The following CAMKMT variants were observed in gnomAD, a reference collection of about 807,000 sequenced individuals.
CAMKMT encodes calmodulin-lysine N-methyltransferase, also known as CaM KMT.
Under a neutral mutation model 48.0 loss-of-function variants are expected in CAMKMT, and 53 were observed. That is an observed-to-expected ratio of 1.10 (90% confidence interval 0.89 to 1.39). The LOEUF is 1.39. Ranked by LOEUF, CAMKMT falls within the 40% of genes most tolerant of loss-of-function variation. The pLI, the probability that CAMKMT is intolerant of heterozygous loss-of-function variation, is 0.00. For synonymous variants in CAMKMT, 165 were observed against 152.3 expected, an observed-to-expected ratio of 1.08 and a Z score of -0.61; for missense variants, 428 against 402.7, an observed-to-expected ratio of 1.06 and a Z score of -0.54.
intron 7 of CAMKMT, among the ~76,000 whole-genome samples, chr2:44,719,550 G>A (rs1037183999): frequency 6.6e-6 from 1 of 152,148 alleles, no homozygotes; most frequent in Non-Finnish European, 1.5e-5. Context: ...ATATGTTTTT[G>A]TACTCCCTGA....
At chr2:44,371,136 C>T (rs189333522) in intron 1 of CAMKMT, among the ~76,000 whole-genome samples, 7 of 152,304 alleles carry the variant, frequency 4.6e-5, no homozygotes, top group East Asian at 3.9e-4. Context: ...AGGCCCCCGC[C>T]ACCACACCTG....
At chr2:44,588,767 C>T (rs1441302203) in intron 3 of CAMKMT, among the ~76,000 whole-genome samples, 3 of 40,600 alleles carry the variant, frequency 7.4e-5, no homozygotes, top group East Asian at 8.1e-4. Context: ...CCGGCTGCCC[C>T]TACTGGGAAG....
At chr2:44,712,671 C>T (rs1003591385) in intron 6 of CAMKMT, among the ~76,000 whole-genome samples, 1 of 152,100 alleles carries the variant, frequency 6.6e-6, no homozygotes, top group African/African-American at 2.4e-5. Flanking sequence ...TCAGAAATCA[C>T]ATTAAGGCTT....
Position 44,372,808 on chromosome 2 carries a change from A to T in CAMKMT, c.231A>T (p.Lys77Asn), listed in dbSNP as rs2104359169. ...ATCTGTTTTCAGTAACAGAAGGCAA[A>T]GAAAGGGAAACTGAAGAGGAGGTTG... is the stretch of plus-strand genomic sequence containing the variant. ...SFNLFSVTEG[K>N]ERETEEEVGA... is the part of the protein sequence containing the mutation. Residue 77 changes from lysine (K) to asparagine (N), a missense_variant, in exon 2 of 11, where the codon AAA becomes AAT. Coordinates refer to ENST00000378494, the MANE Select transcript of CAMKMT (RefSeq NM_024766.5). 1 of 1,614,004 alleles carries T rather than the reference A, an allele frequency of 6.2e-7. No homozygotes were observed. Among genetic ancestry groups the T allele is most frequent in the Non-Finnish European group, 8.5e-7 (1 of 1,179,944 alleles).
chr2:44,687,406 T>G (rs1676397949), intron 3 of CAMKMT, among the ~76,000 whole-genome samples: 1 of 152,188 alleles, frequency 6.6e-6, no homozygotes. Flanking sequence ...CAACATATAG[T>G]AAGGATTCAG....
chr2:44,585,260 G>C (rs1245357858), intron 3 of CAMKMT, among the ~76,000 whole-genome samples: 1 of 152,130 alleles, frequency 6.6e-6, no homozygotes, highest in African/African-American at 2.4e-5. Flanking sequence ...CACTGTCTTG[G>C]CTTTGCAAAG....
chr2:44,490,250 C>G (rs1012476393), intron 3 of CAMKMT, among the ~76,000 whole-genome samples: 2 of 151,930 alleles, frequency 1.3e-5, no homozygotes, highest in Non-Finnish European at 2.9e-5. Flanking sequence ...CATTTGTCAT[C>G]TTTCTTTTTC....
intron 7 of CAMKMT, among the ~76,000 whole-genome samples, chr2:44,732,201 ACCTTGG>A (rs1679112792): frequency 6.6e-6 from 1 of 152,010 alleles, no homozygotes; most frequent in Non-Finnish European, 1.5e-5. Flanking sequence ...CAATCCTCCC[ACCTTGG>A]CCTTTCAAAG....
At chr2:44,403,511 C>T (rs1214406387) in intron 3 of CAMKMT, among the ~76,000 whole-genome samples, 1 of 152,224 alleles carries the variant, frequency 6.6e-6, no homozygotes, top group Admixed American at 6.5e-5. Context: ...TTGTACTCTA[C>T]TCGTAGACAT....
intron 3 of CAMKMT, among the ~76,000 whole-genome samples, chr2:44,418,147 G>C (rs896778852): frequency 2.7e-5 from 4 of 149,210 alleles, no homozygotes; most frequent in African/African-American, 7.4e-5. Context: ...AGCCAAGATC[G>C]CGCCATTGCA....
intron 3 of CAMKMT, among the ~76,000 whole-genome samples, chr2:44,603,039 TAC>T (rs766242093): frequency 1.3e-5 from 2 of 150,654 alleles, no homozygotes; most frequent in African/African-American, 5.0e-5. Context: ...AACCTATATA[TAC>T]ACACACACAC....
intron 3 of CAMKMT, among the ~76,000 whole-genome samples, chr2:44,696,448 A>T (rs1350794164): frequency 1.3e-5 from 2 of 152,220 alleles, no homozygotes; most frequent in Non-Finnish European, 2.9e-5. Flanking sequence ...ACTAAGGAGA[A>T]TTGATTGAAA....
At chr2:44,713,562 A>G (rs191981564) in intron 6 of CAMKMT, among the ~76,000 whole-genome samples, 5 of 152,312 alleles carry the variant, frequency 3.3e-5, no homozygotes, top group Non-Finnish European at 5.9e-5. Context: ...GTTAATCAAA[A>G]CAAGTAGGCA....
chr2:44,634,075 A>T (rs1268295542), intron 3 of CAMKMT, among the ~76,000 whole-genome samples: 1 of 152,162 alleles, frequency 6.6e-6, no homozygotes. Context: ...TACTATGGCT[A>T]GAAGTAACTG....
chr2:44,564,028 C>G (rs1329512500), intron 3 of CAMKMT, among the ~76,000 whole-genome samples: 1 of 152,092 alleles, frequency 6.6e-6, no homozygotes, highest in Non-Finnish European at 1.5e-5. Context: ...ATTTCTAGTT[C>G]TAGATCCTTG....
intron 3 of CAMKMT, among the ~76,000 whole-genome samples, chr2:44,678,163 A>C (rs900960175): frequency 6.6e-6 from 1 of 152,216 alleles, no homozygotes; most frequent in Non-Finnish European, 1.5e-5. Flanking sequence ...ACAAAACCCC[A>C]AACAATCTTT....
intron 3 of CAMKMT, among the ~76,000 whole-genome samples, chr2:44,682,125 C>CT (rs1258891806): frequency 6.6e-6 from 1 of 152,084 alleles, no homozygotes; most frequent in Non-Finnish European, 1.5e-5. Flanking sequence ...CTTTAATTCC[C>CT]TTTTTTACAT....
intron 2 of CAMKMT, among the ~76,000 whole-genome samples, chr2:44,379,418 G>T (rs1019799167): frequency 6.6e-6 from 1 of 152,080 alleles, no homozygotes; most frequent in African/African-American, 2.4e-5. Flanking sequence ...ATTCTCTTGG[G>T]TATGTACCCA....
intron 3 of CAMKMT, among the ~76,000 whole-genome samples, chr2:44,656,984 A>T (rs889051629): frequency 1.3e-5 from 2 of 152,218 alleles, no homozygotes; most frequent in Non-Finnish European, 2.9e-5. Context: ...TATCAGAAAG[A>T]ACCACAAAAC....
Sources: allele counts gnomAD v4.1 joint callset (sites outside exome capture counted in the v4.1 genomes callset), GRCh38; gene constraint gnomAD v4.1.1; transcripts MANE v1.5; gene names NCBI Gene and HGNC (gene_info 2026-07-23, HGNC 2026-07-21).